Variants in TNR observed in about 807,000 individuals in gnomAD.
The protein encoded by TNR is tenascin R.
In TNR, 45 loss-of-function variants were observed where a neutral mutation model predicts 150.4. The observed-to-expected ratio is 0.30, with a 90% CI of 0.24 to 0.38. The LOEUF (loss-of-function observed/expected upper bound fraction) is 0.38, where lower values mean the gene tolerates loss of function less well. TNR is among the 10% of genes least tolerant of loss of function. The pLI is 1.00. For synonymous variants in TNR, 687 were observed against 678.4 expected, an observed-to-expected ratio of 1.01 and a Z score of -0.20; for missense variants, 1,544 against 1,759.1, an observed-to-expected ratio of 0.88 and a Z score of 2.19.
intron 2 of TNR, among the ~76,000 whole-genome samples, chr1:175,454,556 C>T (rs575407723): frequency 7.9e-5 from 12 of 152,240 alleles, no homozygotes; most frequent in Non-Finnish European, 1.5e-4. Flanking sequence ...CTGCAACCTC[C>T]CCTCTCCTGG....
intron 4 of TNR, among the ~76,000 whole-genome samples, chr1:175,400,087 T>C (rs1279592098): frequency 6.6e-6 from 1 of 152,214 alleles, no homozygotes; most frequent in Non-Finnish European, 1.5e-5. Flanking sequence ...GCCAGCTCCC[T>C]GGCCAGCCCC....
intron 2 of TNR, among the ~76,000 whole-genome samples, chr1:175,504,810 G>A (rs1333556318): frequency 6.6e-6 from 1 of 152,202 alleles, no homozygotes; most frequent in African/African-American, 2.4e-5. Flanking sequence ...TGGAACTAGG[G>A]CCTTTAAAGA....
intron 1 of TNR, among the ~76,000 whole-genome samples, chr1:175,544,191 G>A (rs1220179581): frequency 6.6e-6 from 1 of 152,188 alleles, no homozygotes; most frequent in Non-Finnish European, 1.5e-5. Flanking sequence ...TGGGGGAGAT[G>A]GGAGATATTG....
At chr1:175,585,180 A>G (rs1662517937) in intron 1 of TNR, among the ~76,000 whole-genome samples, 1 of 152,206 alleles carries the variant, frequency 6.6e-6, no homozygotes. Flanking sequence ...AGTTATCTAT[A>G]TTTGATGGAA....
intron 1 of TNR, among the ~76,000 whole-genome samples, chr1:175,577,172 G>T (rs1448488516): frequency 6.6e-6 from 1 of 152,114 alleles, no homozygotes; most frequent in Admixed American, 6.5e-5. Flanking sequence ...TGAATCTCAG[G>T]CTAGGGAGTC....
intron 5 of TNR, among the ~76,000 whole-genome samples, chr1:175,395,147 T>G (rs1653365449): frequency 6.6e-6 from 1 of 152,142 alleles, no homozygotes; most frequent in South Asian, 2.1e-4. Context: ...TCCAAAATTA[T>G]AGCAGAATTT....
At position 175,379,707 on chromosome 1, in the gene TNR, C is replaced by G. The variant is rs937232249; in HGVS notation, c.1808G>C (p.Gly603Ala). The change falls in exon 9 of 23, where the codon GGT (glycine) becomes GCT (alanine). Residue 603 changes from glycine (G) to alanine (A), a missense_variant. This residue lies in a region of TNR where 1,254 missense variants were observed against 1,329.4 expected (regional missense o/e 0.94). Coordinates refer to ENST00000367674, the MANE Select transcript of TNR (RefSeq NM_003285.3). ...EIDAPKNLRV[G>A]SRTATSLDLE... ...GTCAAGGCTGGTTGCTGTGCGAGAA[C>G]CAACTCGCAAGTTCTTGGGGGCATC... 6.2e-7 allele frequency: 1 copy of G among 1,614,178 alleles called. No individual in the cohort carries two copies. Among genetic ancestry groups the G allele is most frequent in the African/African-American group, 1.3e-5 (1 of 75,046 alleles).
rs74126989 is a variant in TNR at position 175,360,185 on chromosome 1, G to T, written c.2855-454C>A. Among the ~76,000 whole-genome samples the T allele has an allele frequency of 9.7e-3, 1,484 of 152,326 alleles. 19 individuals are homozygous for T. The highest frequency in any genetic ancestry group is 0.033 in the African/African-American group (1,371 of 41,568). ...GGGTGTGCCTCATGGAAAGATCTCTGTTGAAGAGCTTCAGGAAGTGTGGTG... is the reference window on the plus strand; with the variant it reads ...GGGTGTGCCTCATGGAAAGATCTCTTTTGAAGAGCTTCAGGAAGTGTGGTG... On this transcript the variant is annotated intron_variant, in intron 14 of 22. Transcript: ENST00000367674.
At position 175,536,524 on chromosome 1, in the gene TNR, T is replaced by C. The variant is rs75028512; in HGVS notation, c.-164-8155A>G. On this transcript the variant is annotated intron_variant, in intron 1 of 22. Coordinates refer to ENST00000367674, the MANE Select transcript of TNR (RefSeq NM_003285.3). ...TGCTCAAGGTCACTGAACTTCCAAG[T>C]GGCAGAGCTGAAATGAGAGCTCAGG... 2.6e-5 allele frequency among the ~76,000 whole-genome samples: 4 copies of C among 152,354 alleles called. No individual in the cohort carries two copies. The East Asian group carries it at 7.7e-4, about 29-fold the overall frequency.
chr1:175,336,493 G>T (rs1024625061), intron 19 of TNR, among the ~76,000 whole-genome samples: 2 of 152,228 alleles, frequency 1.3e-5, no homozygotes, highest in African/African-American at 4.8e-5. Flanking sequence ...TCCAAAGAAG[G>T]GCGGAGGGGC....
At chr1:175,598,269 T>C (rs1663087274) in intron 1 of TNR, among the ~76,000 whole-genome samples, 1 of 152,214 alleles carries the variant, frequency 6.6e-6, no homozygotes, top group Non-Finnish European at 1.5e-5. Flanking sequence ...CCTCATTTAG[T>C]CCAATTCTCT....
Position 175,391,421 on chromosome 1 carries a change from C to G in TNR, c.1374G>C (p.Val458=), listed in dbSNP as rs777846569. Residue 458 remains valine, a synonymous_variant, in exon 7 of 23, where the codon GTG becomes GTC. Transcript: ENST00000367674. The part of the protein sequence containing the change: ...SFIPKNNEGG[V]IAQVPSDVTS... ...TAACATCGCTGGGGACCTGAGCAATCACTCCCCCTTCATTGTTCTGGACAG... is the reference window on the plus strand; with the variant it reads ...TAACATCGCTGGGGACCTGAGCAATGACTCCCCCTTCATTGTTCTGGACAG... 6.2e-7 allele frequency: 1 copy of G among 1,614,104 alleles called. No individual in the cohort carries two copies. The highest frequency in any genetic ancestry group is 8.5e-7 in the Non-Finnish European group (1 of 1,179,994).
intron 2 of TNR, among the ~76,000 whole-genome samples, chr1:175,499,266 C>T (rs547077587): frequency 2.0e-5 from 3 of 152,292 alleles, no homozygotes; most frequent in Admixed American, 6.5e-5. Context: ...GGAAAGCATG[C>T]CTCGTGAGTA....
intron 2 of TNR, among the ~76,000 whole-genome samples, chr1:175,480,531 T>C (rs1394525550): frequency 2.0e-5 from 3 of 152,252 alleles, no homozygotes; most frequent in South Asian, 2.1e-4. Context: ...GTCTCATTTA[T>C]AGCCTATTCC....
chr1:175,364,977 T>C (rs1371455422), intron 12 of TNR, 33 bp downstream of exon 12: 2 of 1,572,490 alleles, frequency 1.3e-6, no homozygotes, highest in East Asian at 2.3e-5. Context: ...GAAAACCCCT[T>C]TCATCACCTG....
At chr1:175,683,045 G>A (rs1666086194) in intron 1 of TNR, among the ~76,000 whole-genome samples, 1 of 152,154 alleles carries the variant, frequency 6.6e-6, no homozygotes, top group South Asian at 2.1e-4. Flanking sequence ...GCAAGGATTG[G>A]CACCAACTTG....
At chr1:175,517,723 G>A (rs1217197068) in intron 2 of TNR, among the ~76,000 whole-genome samples, 2 of 152,204 alleles carry the variant, frequency 1.3e-5, no homozygotes, top group African/African-American at 4.8e-5. Context: ...CAGAGAACCT[G>A]TGTTTCATAC....
intron 1 of TNR, among the ~76,000 whole-genome samples, chr1:175,683,108 T>C (rs1388681210): frequency 6.6e-6 from 1 of 152,154 alleles, no homozygotes; most frequent in Non-Finnish European, 1.5e-5. Flanking sequence ...TTTCTCTCCC[T>C]GTCCACTTGA....
At chr1:175,500,003 A>G (rs373227161) in intron 2 of TNR, among the ~76,000 whole-genome samples, 1 of 152,200 alleles carries the variant, frequency 6.6e-6, no homozygotes, top group African/African-American at 2.4e-5. Flanking sequence ...TGGACTTCAC[A>G]TGTAACTTGC....
Sources: gnomAD v4.1 joint callset for allele counts (sites outside exome capture counted in the v4.1 genomes callset) on GRCh38, gnomAD v4.1.1 for gene constraint, gnomAD v4.1.1 regional missense constraint, MANE v1.5 for transcripts, NCBI Gene and HGNC (gene_info 2026-07-23, HGNC 2026-07-21) for gene names.